Variants in UHMK1 observed in about 807,000 individuals in gnomAD.
The protein encoded by UHMK1 is U2AF homology motif kinase 1, also known as serine/threonine-protein kinase Kist.
UHMK1 carries 18 observed loss-of-function variants against 44.0 expected under a neutral mutation model. That is an observed-to-expected ratio of 0.41 (90% confidence interval 0.28 to 0.61). UHMK1 has a LOEUF of 0.61. Among genes scored for constraint, UHMK1 ranks in the 20% least tolerant of loss-of-function variants. The pLI, the probability that UHMK1 is intolerant of heterozygous loss-of-function variation, is 0.31. For synonymous variants in UHMK1, 231 were observed against 198.5 expected (o/e 1.16, Z -1.38); for missense variants, 463 against 522.5 (o/e 0.89, Z 1.11).
chr1:162,497,504 C>G (rs1048868871), upstream of UHMK1, among the ~76,000 whole-genome samples: 3 of 152,106 alleles, frequency 2.0e-5, no homozygotes, highest in African/African-American at 7.2e-5. Flanking sequence ...ATGGTAAACT[C>G]TCTTTTTGTT....
At position 162,503,780 on chromosome 1, in the gene UHMK1, C is replaced by T. The variant is rs578105830; in HGVS notation, c.780C>T (p.His260=). 1.2e-6 allele frequency: 2 copies of T among 1,613,978 alleles called. No individual in the cohort carries two copies. Among genetic ancestry groups the T allele is most frequent in the African/African-American group, 1.3e-5 (1 of 74,924 alleles). Residue 260 remains histidine (H), a synonymous_variant, in exon 4 of 8, where the codon CAC becomes CAT. Transcript: ENST00000489294. ...CAAACAGTTCTGCTATTATTGATCA[C>T]ATATTTGCCAGTAAAGCAGTGGTGA... ...WKANSSAIID[H]IFASKAVVNA...
chr1:162,514,276 G>A, intron 6 of UHMK1, among the ~76,000 whole-genome samples: 1 of 150,076 alleles, frequency 6.7e-6, no homozygotes, highest in Non-Finnish European at 1.5e-5. Flanking sequence ...GCAACAGAGT[G>A]AGACCATCTC....
At chr1:162,505,474 A>G (rs1211812472) in intron 4 of UHMK1, among the ~76,000 whole-genome samples, 1 of 152,244 alleles carries the variant, frequency 6.6e-6, no homozygotes, top group Non-Finnish European at 1.5e-5. Flanking sequence ...GTCATTATCA[A>G]GTACAGTAGT....
intron 4 of UHMK1, 122 bp downstream of exon 4, chr1:162,503,970 GTT>G: frequency 2.7e-6 from 2 of 752,248 alleles, no homozygotes; most frequent in Admixed American, 6.4e-5. Context: ...TAATGAAATA[GTT>G]TTACCAAATT....
chr1:162,519,044 A>G (rs1651948205), intron 7 of UHMK1, among the ~76,000 whole-genome samples: 1 of 149,044 alleles, frequency 6.7e-6, no homozygotes, highest in African/African-American at 2.5e-5. Context: ...AGGCCAGGTG[A>G]GGTGGCTCAT....
intron 4 of UHMK1, among the ~76,000 whole-genome samples, chr1:162,504,720 C>G (rs917293180): frequency 1.3e-5 from 2 of 152,112 alleles, no homozygotes; most frequent in Non-Finnish European, 2.9e-5. Context: ...TTACTGTACA[C>G]TATAAGACTA....
upstream of UHMK1, chr1:162,497,413 A>G: frequency 1.7e-6 from 1 of 597,586 alleles, no homozygotes; most frequent in Non-Finnish European, 3.0e-6. Flanking sequence ...TTAGAATTGT[A>G]TTTTCGGTTT....
chr1:162,504,068 C>G (rs951775591), intron 4 of UHMK1, among the ~76,000 whole-genome samples: 3 of 152,178 alleles, frequency 2.0e-5, no homozygotes, highest in Non-Finnish European at 2.9e-5. Flanking sequence ...GATAGATTCA[C>G]TGTACCTTTG....
intron 4 of UHMK1, among the ~76,000 whole-genome samples, chr1:162,506,012 A>G (rs574432493): frequency 7.2e-5 from 11 of 152,140 alleles, no homozygotes; most frequent in Non-Finnish European, 1.0e-4. Context: ...ATTTATTCCT[A>G]TTTCACCAGT....
intron 6 of UHMK1, 142 bp from the exon 7 acceptor site, chr1:162,517,960 T>C: frequency 1.7e-6 from 1 of 578,726 alleles, no homozygotes; most frequent in Non-Finnish European, 3.1e-6. Flanking sequence ...TTTTGAATCA[T>C]TTGAATGTCA....
chr1:162,500,417 A>G (rs775118765), intron 2 of UHMK1, 170 bp downstream of exon 2: 20 of 774,424 alleles, frequency 2.6e-5, no homozygotes, highest in Non-Finnish European at 3.8e-5. Flanking sequence ...CACCGTGTAA[A>G]AAAAGGACAT....
chr1:162,500,871 G>A, intron 2 of UHMK1, 42 bp from the exon 3 acceptor site: 3 of 1,569,860 alleles, frequency 1.9e-6, no homozygotes, highest in South Asian at 1.1e-5. Context: ...TAGAAAGGGA[G>A]CAGCTTTTTT....
intron 3 of UHMK1, among the ~76,000 whole-genome samples, 191 bp from the exon 4 acceptor site, chr1:162,503,563 A>G (rs1651353990): frequency 6.7e-6 from 1 of 148,162 alleles, no homozygotes; most frequent in Non-Finnish European, 1.5e-5. Context: ...GTGAGCTGAG[A>G]TTGCGTCACT....
At chr1:162,515,278 C>T (rs529486763) in intron 6 of UHMK1, among the ~76,000 whole-genome samples, 251 of 152,094 alleles carry the variant, frequency 1.7e-3, no homozygotes, top group African/African-American at 5.8e-3. Context: ...GTTATTTTTC[C>T]AGTTTATAGA....
intron 7 of UHMK1, among the ~76,000 whole-genome samples, chr1:162,519,000 AAAC>A (rs1177888798): frequency 1.4e-5 from 2 of 141,340 alleles, no homozygotes; most frequent in Admixed American, 7.3e-5. Context: ...AAAAAAAAAA[AAAC>A]TACTTTTGAG....
At position 162,523,590 on chromosome 1, in the gene UHMK1, G is replaced by A. The variant is rs972242087; in HGVS notation, c.*1040G>A. 1.3e-5 allele frequency: 2 copies of A among 152,532 alleles called. No homozygotes were observed. Among genetic ancestry groups the A allele is most frequent in the African/African-American group, 4.8e-5 (2 of 41,432 alleles). The allele number at this position is 152,532 out of a possible 1,614,324, so 9.4% of individuals were successfully genotyped here. ...AAGATGTGGCTCTACCTACTATGAT[G>A]AAAATTGAAGTGGGTCAAAAGAATT... is the stretch of plus-strand genomic sequence containing the variant. On this transcript the variant is annotated 3_prime_UTR_variant, in exon 8 of 8. Coordinates refer to ENST00000489294, the MANE Select transcript of UHMK1 (RefSeq NM_175866.5).
At chr1:162,513,139 C>T (rs890367987) in intron 6 of UHMK1, 3 of 303,798 alleles carry the variant, frequency 9.9e-6, no homozygotes, top group South Asian at 2.9e-5. Context: ...CGGGGTTTCA[C>T]CATATTGGTC....
chr1:162,515,891 G>A (rs943747287), intron 6 of UHMK1, among the ~76,000 whole-genome samples: 3 of 151,998 alleles, frequency 2.0e-5, no homozygotes, highest in South Asian at 2.1e-4. Context: ...AAAATTAGCC[G>A]GGCGTGGTGG....
intron 7 of UHMK1, among the ~76,000 whole-genome samples, chr1:162,518,687 C>CA (rs71093184): frequency 0.45 from 64,274 of 143,300 alleles, 13,956 homozygotes; most frequent in Admixed American, 0.47. Flanking sequence ...GACTTCATCT[C>CA]AAAAAAAAAA....
Sources: gnomAD v4.1 joint callset for allele counts (sites outside exome capture counted in the v4.1 genomes callset) on GRCh38, gnomAD v4.1.1 for gene constraint, MANE v1.5 for transcripts, NCBI Gene and HGNC (gene_info 2026-07-23, HGNC 2026-07-21) for gene names.